TMEM232: variants seen among roughly 807,000 people sequenced by gnomAD.
TMEM232 encodes the protein transmembrane protein 232.
TMEM232 carries 80 observed loss-of-function variants against 78.8 expected under a neutral mutation model. The ratio of observed to expected loss-of-function variants is 1.01; its 90% CI spans 0.85 to 1.22. The LOEUF is 1.22. Among genes scored for constraint, TMEM232 ranks in the 50% most tolerant of loss-of-function variants. TMEM232 has a pLI of 0.00. For synonymous variants in TMEM232, 297 were observed against 254.3 expected (o/e 1.17, Z -1.60); for missense variants, 881 against 742.2 (o/e 1.19, Z -2.17).
intron 12 of TMEM232, among the ~76,000 whole-genome samples, chr5:110,464,285 C>A (rs1275417435): frequency 3.9e-5 from 6 of 152,048 alleles, no homozygotes; most frequent in Admixed American, 6.6e-5. Context: ...GAAAAATGAA[C>A]AAAAGCTACA....
intron 12 of TMEM232, among the ~76,000 whole-genome samples, chr5:110,442,265 C>T (rs111384441): frequency 0.03 from 4,596 of 152,088 alleles, 130 homozygotes; most frequent in Admixed American, 0.066. Flanking sequence ...TTTCCCCTTT[C>T]GAGGTTATTT....
chr5:110,529,929 G>A (rs576380169), intron 11 of TMEM232, among the ~76,000 whole-genome samples: 4 of 152,070 alleles, frequency 2.6e-5, no homozygotes, highest in East Asian at 3.9e-4. Flanking sequence ...TAAATAAGTC[G>A]GATACTGCCT....
intron 7 of TMEM232, among the ~76,000 whole-genome samples, chr5:110,620,623 CT>C (rs1783553724): frequency 2.6e-4 from 30 of 117,554 alleles, no homozygotes; most frequent in East Asian, 4.7e-4. Context: ...CTCTCTCTCT[CT>C]CTCTCTCTCT....
rs1764720402 is a variant in TMEM232, at chr5:110,488,713, G to T, written c.1703+39875C>A. ...CCAGAAGTAATGAAATAAGCTTAGA[G>T]TGGAGATAAATAAAATAGAAAATAG... On this transcript the variant is annotated intron_variant, in intron 12 of 13. Coordinates refer to ENST00000455884, the MANE Select transcript of TMEM232 (RefSeq NM_001039763.4). 5.3e-5 allele frequency among the ~76,000 whole-genome samples: 8 copies of T among 152,082 alleles called. No homozygotes were observed. In the South Asian group the frequency reaches 1.7e-3, roughly 31 times the overall value.
At chr5:110,467,708 CA>C (rs1273081919) in intron 12 of TMEM232, among the ~76,000 whole-genome samples, 1 of 152,090 alleles carries the variant, frequency 6.6e-6, no homozygotes. Flanking sequence ...CTAGGACTGC[CA>C]TTAAAAAGTA....
intron 10 of TMEM232, among the ~76,000 whole-genome samples, chr5:110,596,290 T>C (rs1187128604): frequency 6.6e-6 from 1 of 152,116 alleles, no homozygotes; most frequent in East Asian, 1.9e-4. Flanking sequence ...CCTCGACACA[T>C]ACACTCTCCC....
At chr5:110,505,694 G>C (rs1442272645) in intron 12 of TMEM232, among the ~76,000 whole-genome samples, 1 of 151,998 alleles carries the variant, frequency 6.6e-6, no homozygotes, top group Non-Finnish European at 1.5e-5. Context: ...TTTTTTGGTA[G>C]AGATGGGGCT....
At chr5:110,649,615 C>T (rs1174045051) in intron 2 of TMEM232, among the ~76,000 whole-genome samples, 1 of 152,072 alleles carries the variant, frequency 6.6e-6, no homozygotes, top group Non-Finnish European at 1.5e-5. Flanking sequence ...AGAATGATAT[C>T]AGTTGTTTTG....
At chr5:110,585,708 G>A (rs1481121923) in intron 10 of TMEM232, among the ~76,000 whole-genome samples, 2 of 152,026 alleles carry the variant, frequency 1.3e-5, no homozygotes, top group South Asian at 2.1e-4. Flanking sequence ...AGAGCTCTGG[G>A]TGACAGCTCA....
intron 11 of TMEM232, among the ~76,000 whole-genome samples, chr5:110,530,502 A>G (rs1771289170): frequency 6.6e-6 from 1 of 152,192 alleles, no homozygotes; most frequent in Non-Finnish European, 1.5e-5. Flanking sequence ...TGAATGGATA[A>G]ATAAAATGTG....
At chr5:110,483,602 G>C (rs1764140518) in intron 12 of TMEM232, among the ~76,000 whole-genome samples, 1 of 152,018 alleles carries the variant, frequency 6.6e-6, no homozygotes, top group African/African-American at 2.4e-5. Context: ...CCTGTTGTGG[G>C]GTGGGGGAAG....
intron 12 of TMEM232, among the ~76,000 whole-genome samples, chr5:110,441,475 T>G (rs1042308080): frequency 5.3e-5 from 8 of 152,156 alleles, no homozygotes; most frequent in Non-Finnish European, 1.2e-4. Flanking sequence ...GAGACAGATT[T>G]CCATGATGGC....
intron 1 of TMEM232, chr5:110,720,883 A>T (rs1046021523): frequency 6.6e-5 from 10 of 152,172 alleles, no homozygotes; most frequent in Non-Finnish European, 1.5e-4. Flanking sequence ...AGTTCTAAAA[A>T]TAAATATAAG....
At chr5:110,524,459 A>AAG (rs1561624704) in intron 12 of TMEM232, among the ~76,000 whole-genome samples, 5 of 151,330 alleles carry the variant, frequency 3.3e-5, no homozygotes, top group African/African-American at 1.2e-4. Flanking sequence ...GAAAGAAAGA[A>AAG]AAAGAAAGAA....
intron 12 of TMEM232, among the ~76,000 whole-genome samples, chr5:110,510,906 A>G (rs1378833975): frequency 6.6e-6 from 1 of 152,194 alleles, no homozygotes; most frequent in Non-Finnish European, 1.5e-5. Context: ...AGGATCTAGA[A>G]TCAGAAATAC....
chr5:110,625,054 T>G (rs535732911), intron 7 of TMEM232, among the ~76,000 whole-genome samples: 11 of 152,048 alleles, frequency 7.2e-5, no homozygotes, highest in Non-Finnish European at 8.8e-5. Flanking sequence ...AGTAGAGTTA[T>G]ATATTGATAC....
intron 12 of TMEM232, among the ~76,000 whole-genome samples, chr5:110,464,395 A>C (rs934618496): frequency 2.9e-4 from 44 of 152,170 alleles, no homozygotes; most frequent in Non-Finnish European, 1.3e-4. Context: ...CAAGGGAAAA[A>C]GCTTCAAATC....
intron 11 of TMEM232, among the ~76,000 whole-genome samples, chr5:110,539,293 G>A (rs922969102): frequency 4.6e-5 from 7 of 152,216 alleles, no homozygotes; most frequent in South Asian, 4.2e-4. Flanking sequence ...CTTACCCATC[G>A]ACTCTTAAAA....
At chr5:110,530,187 C>A (rs1255068288) in intron 11 of TMEM232, among the ~76,000 whole-genome samples, 1 of 152,086 alleles carries the variant, frequency 6.6e-6, no homozygotes, top group Non-Finnish European at 1.5e-5. Flanking sequence ...AAAATGAGTA[C>A]AGTCTCAGGA....
Sources: gnomAD v4.1 joint callset for allele counts (sites outside exome capture counted in the v4.1 genomes callset) on GRCh38, gnomAD v4.1.1 for gene constraint, MANE v1.5 for transcripts, NCBI Gene and HGNC (gene_info 2026-07-23, HGNC 2026-07-21) for gene names.